CNOT1: variants seen among roughly 807,000 people sequenced by gnomAD.
CNOT1 encodes CCR4-associated factor 1.
CNOT1 carries 15 observed loss-of-function variants against 273.8 expected under a neutral mutation model. The observed-to-expected ratio is 0.05, with a 90% CI of 0.04 to 0.08. The LOEUF (loss-of-function observed/expected upper bound fraction) is 0.08, where lower values mean the gene tolerates loss of function less well. Ranked by LOEUF, CNOT1 falls within the 10% of genes least tolerant of loss-of-function variation. The pLI is 1.00. For missense variants in CNOT1, 1,644 were observed against 2,912.2 expected, an observed-to-expected ratio of 0.56 and a Z score of 10.02; for synonymous variants, 1,022 against 1,005.5, an observed-to-expected ratio of 1.02 and a Z score of -0.31.
chr16:58,566,423 A>T (rs1449818541), intron 16 of CNOT1, among the ~76,000 whole-genome samples: 1 of 152,266 alleles, frequency 6.6e-6, no homozygotes, highest in African/African-American at 2.4e-5. Flanking sequence ...ATTAATTGAA[A>T]CCTGGAAGTT....
intron 18 of CNOT1, 25 bp from the exon 19 acceptor site, chr16:58,557,018 A>T (rs371708329): frequency 8.1e-6 from 13 of 1,608,390 alleles, no homozygotes; most frequent in African/African-American, 2.7e-5. Context: ...GGCAGCCACA[A>T]ATCCTATCAT....
At chr16:58,575,548 C>T (rs2151966252) in intron 14 of CNOT1, among the ~76,000 whole-genome samples, 1 of 152,294 alleles carries the variant, frequency 6.6e-6, no homozygotes, top group Admixed American at 6.5e-5. Flanking sequence ...ACTGTAATCC[C>T]AGCACTTTGG....
intron 2 of CNOT1, chr16:58,597,545 G>A (rs897894523): frequency 1.5e-5 from 4 of 265,470 alleles, no homozygotes; most frequent in African/African-American, 2.3e-5. Context: ...ACAAAAAAAA[G>A]TTGAGAATGA....
At chr16:58,567,051 G>C (rs1378620536) in intron 16 of CNOT1, among the ~76,000 whole-genome samples, 1 of 152,106 alleles carries the variant, frequency 6.6e-6, no homozygotes, top group Non-Finnish European at 1.5e-5. Flanking sequence ...CTACTCACAA[G>C]GCTCAGGCAG....
intron 14 of CNOT1, among the ~76,000 whole-genome samples, chr16:58,575,661 C>G (rs1019749788): frequency 6.6e-6 from 1 of 151,900 alleles, no homozygotes; most frequent in African/African-American, 2.4e-5. Flanking sequence ...TAGCCAGGTA[C>G]GTTGGCAGGC....
intron 16 of CNOT1, among the ~76,000 whole-genome samples, chr16:58,566,396 A>G (rs970396987): frequency 6.6e-6 from 1 of 152,264 alleles, no homozygotes; most frequent in African/African-American, 2.4e-5. Context: ...AGTACTGCTA[A>G]TAGATCAATT....
intron 1 of CNOT1, among the ~76,000 whole-genome samples, chr16:58,615,892 G>A (rs564092790): frequency 8.3e-6 from 1 of 120,838 alleles, no homozygotes; most frequent in East Asian, 2.0e-4. Flanking sequence ...GACCAGCCTA[G>A]GCAACATAGA....
intron 21 of CNOT1, among the ~76,000 whole-genome samples, chr16:58,554,702 G>A (rs539582318): frequency 3.3e-5 from 5 of 150,768 alleles, no homozygotes; most frequent in East Asian, 4.0e-4. Flanking sequence ...CTGGGAGGCC[G>A]AGGTGGGTGG....
intron 43 of CNOT1, 149 bp downstream of exon 43, chr16:58,530,097 G>A: frequency 1.7e-6 from 1 of 572,484 alleles, no homozygotes; most frequent in East Asian, 2.8e-5. Flanking sequence ...TTGGGTGCTA[G>A]TTATGCAAGT....
chr16:58,538,387 T>C (rs1597417399), intron 36 of CNOT1, 121 bp from the exon 37 acceptor site: 2 of 655,264 alleles, frequency 3.1e-6, no homozygotes, highest in Non-Finnish European at 5.4e-6. Flanking sequence ...CAAATCAGTG[T>C]CCAAATTTAA....
At chr16:58,535,743 AT>A (rs1365611641) in intron 39 of CNOT1, among the ~76,000 whole-genome samples, 1 of 148,578 alleles carries the variant, frequency 6.7e-6, no homozygotes, top group Non-Finnish European at 1.5e-5. Flanking sequence ...TTTTTTTTTA[AT>A]TTTTTTTGAG....
Position 58,583,053 on chromosome 16 carries a change from C to A in CNOT1, c.933+3G>T. 1.9e-6 allele frequency: 3 copies of A among 1,613,886 alleles called. No individual in the cohort carries two copies. The South Asian group carries it at 3.3e-5, about 18-fold the overall frequency. On this transcript the variant is annotated splice_donor_region_variant and intron_variant, in intron 9 of 48. Transcript: ENST00000317147. Reference sequence around the variant, plus strand: ...CTTGGTAAAATAGCTGAATTCAACACACCTGTAATGGAATGCCATCTGTTA... The same window carrying A: ...CTTGGTAAAATAGCTGAATTCAACAAACCTGTAATGGAATGCCATCTGTTA...
chr16:58,593,409 A>C (rs555730662), intron 2 of CNOT1, among the ~76,000 whole-genome samples: 184 of 152,218 alleles, frequency 1.2e-3, no homozygotes, highest in African/African-American at 3.7e-3. Flanking sequence ...AAAATACAGT[A>C]TTAGCTAGGC....
At chr16:58,549,581 A>C in intron 25 of CNOT1, 138 bp downstream of exon 25, 1 of 1,362,944 alleles carries the variant, frequency 7.3e-7, no homozygotes, top group Non-Finnish European at 9.6e-7. Context: ...TCCATATAAG[A>C]AACAAAATCT....
intron 16 of CNOT1, among the ~76,000 whole-genome samples, chr16:58,568,594 C>T (rs1002313861): frequency 6.6e-6 from 1 of 151,760 alleles, no homozygotes; most frequent in Admixed American, 6.6e-5. Flanking sequence ...GCAGGAGAAT[C>T]GCTTGAACCC....
At chr16:58,526,218 G>A in intron 44 of CNOT1, 80 bp from the exon 45 acceptor site, 1 of 1,501,158 alleles carries the variant, frequency 6.7e-7, no homozygotes, top group Non-Finnish European at 9.2e-7. Flanking sequence ...TGGTGGGACT[G>A]TTTTTCTAAA....
chr16:58,580,303 TAA>T (rs56040745), intron 12 of CNOT1, among the ~76,000 whole-genome samples: 2 of 137,836 alleles, frequency 1.5e-5, no homozygotes, highest in Non-Finnish European at 1.6e-5. Flanking sequence ...AACTTACAAA[TAA>T]AAAAAAAAAA....
intron 1 of CNOT1, among the ~76,000 whole-genome samples, chr16:58,608,326 A>C (rs982181406): frequency 2.6e-5 from 4 of 152,112 alleles, no homozygotes; most frequent in Non-Finnish European, 4.4e-5. Context: ...AGACCAAAGA[A>C]GGCAGATAAC....
At chr16:58,543,061 C>T (rs2040142454) in intron 31 of CNOT1, 3 of 1,183,564 alleles carry the variant, frequency 2.5e-6, no homozygotes, top group Non-Finnish European at 2.1e-6. Context: ...CCACTGTACT[C>T]TAGCCTAAGC....
Sources: gnomAD v4.1 joint callset for allele counts (sites outside exome capture counted in the v4.1 genomes callset) on GRCh38, gnomAD v4.1.1 for gene constraint, MANE v1.5 for transcripts, NCBI Gene and HGNC (gene_info 2026-07-23, HGNC 2026-07-21) for gene names.